Variants in PAN2 observed in about 807,000 individuals in gnomAD.
PAN2 encodes the protein poly(A) specific ribonuclease subunit PAN2.
In PAN2, 68 loss-of-function variants were observed where a neutral mutation model predicts 133.3. That is an observed-to-expected ratio of 0.51 (90% CI 0.42 to 0.62). PAN2 has a LOEUF of 0.62. Among genes scored for constraint, PAN2 ranks in the 20% least tolerant of loss-of-function variants. The pLI is 0.00. For missense variants in PAN2, 1,042 were observed against 1,500.5 expected (o/e 0.69, Z 5.05); for synonymous variants, 462 against 544.6 (o/e 0.85, Z 2.11).
chr12:56,322,387 G>A, intron 19 of PAN2, 36 bp downstream of exon 19: 3 of 1,538,626 alleles, frequency 1.9e-6, no homozygotes, highest in Non-Finnish European at 2.7e-6. Context: ...AGGAAAAGGG[G>A]AAATGAAAGA....
At position 56,318,241 on chromosome 12, in the gene PAN2, G is replaced by A; in HGVS notation, c.3558C>T (p.Pro1186=). 6.2e-7 allele frequency: 1 copy of A among 1,613,310 alleles called. No individual in the cohort carries two copies. The highest frequency in any genetic ancestry group is 1.1e-5 in the South Asian group (1 of 91,056). The change falls in exon 25 of 26, where the codon CCC becomes CCT. Residue 1186 remains proline, a synonymous_variant. Coordinates refer to ENST00000440411, the MANE Select transcript of PAN2 (RefSeq NM_014871.6). ...KVPEPEGQTS[P]KNAAVFSSVL... is the part of the protein sequence containing the mutation. ...TTGTCCCATCCCAGGTCTTACTCTTGGGACTTGTTTGGCCCTCAGGCTCAG... is the reference window on the plus strand; with the variant it reads ...TTGTCCCATCCCAGGTCTTACTCTTAGGACTTGTTTGGCCCTCAGGCTCAG...
Position 56,327,635 on chromosome 12 carries a change from G to GAAA in PAN2, c.652-7_652-5dup. The GAAA allele has an allele frequency of 6.4e-7, 1 of 1,555,628 alleles. No individual in the cohort carries two copies. Among genetic ancestry groups the GAAA allele is most frequent in the African/African-American group, 1.4e-5 (1 of 72,198 alleles). ...TACGGAGGTCTCTCAGGGAAACCTAGAAAAAAAAAATTCAGTTATCTGCAA... is the reference window on the plus strand; with the variant it reads ...TACGGAGGTCTCTCAGGGAAACCTAGAAAAAAAAAAAAATTCAGTTATCTGCAA... On this transcript the variant is annotated splice_region_variant and splice_polypyrimidine_tract_variant and intron_variant, in intron 5 of 25. Transcript: ENST00000440411.
At chr12:56,324,207 T>C (rs887046206) in intron 12 of PAN2, 22 bp from the exon 13 acceptor site, 2 of 1,613,030 alleles carry the variant, frequency 1.2e-6, no homozygotes, top group Non-Finnish European at 1.7e-6. Flanking sequence ...GAGGATGATA[T>C]ATGCACATTG....
chr12:56,330,361 T>TC (rs752207631), intron 2 of PAN2, among the ~76,000 whole-genome samples: 10 of 101,130 alleles, frequency 9.9e-5, no homozygotes, highest in Admixed American at 4.7e-4. Flanking sequence ...TTCTTTTTTT[T>TC]TTTTTTTTTT....
chr12:56,325,397 C>T lies in PAN2; in HGVS notation c.1417G>A (p.Glu473Lys), dbSNP rs780068927. 6 of 1,614,182 alleles carry T rather than the reference C, an allele frequency of 3.7e-6. No individual in the cohort carries two copies. In the Admixed American group the frequency reaches 8.3e-5, roughly 22 times the overall value. Residue 473 changes from glutamate to lysine, a missense_variant, in exon 9 of 26, where the codon GAG (glutamate) becomes AAG (lysine). Coordinates refer to ENST00000440411, the MANE Select transcript of PAN2 (RefSeq NM_014871.6). Reference protein sequence around the residue: ...SEFDSFSQVTESPVGREEEPH... With the variant: ...SEFDSFSQVTKSPVGREEEPH... The stretch of plus-strand genomic sequence containing the variant: ...TCCTCTTCTCGTCCTACTGGTGACT[C>T]AGTGACCTGGCTGAAGCTGTCAAAT...
intron 1 of PAN2, 46 bp from the exon 2 acceptor site, chr12:56,333,254 T>C: frequency 1.5e-6 from 1 of 688,626 alleles, no homozygotes; most frequent in Admixed American, 2.8e-5. Flanking sequence ...GCCCAGGTAC[T>C]GGTACTTAGG....
chr12:56,330,365 T>TC (rs1189691350), intron 2 of PAN2, among the ~76,000 whole-genome samples: 1 of 105,568 alleles, frequency 9.5e-6, no homozygotes, highest in Non-Finnish European at 2.0e-5. Flanking sequence ...TTTTTTTTTT[T>TC]TTTTTTTTTT....
rs1875347409 is a variant in PAN2 at position 56,328,273 on chromosome 12, C to T, written c.538G>A (p.Glu180Lys). 1 of 1,607,930 alleles carries T rather than the reference C, an allele frequency of 6.2e-7. No individual in the cohort carries two copies. The highest frequency in any genetic ancestry group is 1.1e-5 in the South Asian group (1 of 90,228). ...TCCTGGACAGTGTTAAGATCAATCT[C>T]TATTATGTGATTCTGCAGCCCACCA... ...LVGGLQNHII[E>K]IDLNTVQETQ... The change falls in exon 4 of 26, where the codon GAG becomes AAG. Residue 180 changes from glutamate to lysine, a missense_variant. Glu to Lys is a moderately conservative substitution (Grantham distance 56, BLOSUM62 1). Coordinates refer to ENST00000440411, the MANE Select transcript of PAN2 (RefSeq NM_014871.6).
rs776065284 is a variant in PAN2, at chr12:56,319,143, G to T, written c.3309C>A (p.Phe1103Leu). Residue 1103 changes from phenylalanine (F) to leucine (L), a missense_variant, in exon 24 of 26, where the codon TTC becomes TTA. Phe to Leu is a conservative substitution (Grantham distance 22). Around this residue, in one of 3 missense-constraint regions of PAN2, gnomAD observed 85 missense variants for 116.5 expected, o/e 0.73. Coordinates refer to ENST00000440411, the MANE Select transcript of PAN2 (RefSeq NM_014871.6). The surrounding 1 kb of genome is among the most constrained non-coding windows in gnomAD (Gnocchi z 5.4). ...KDQVLDTVYLFHMPRKRMISL... is the reference protein window; with the variant it reads ...KDQVLDTVYLLHMPRKRMISL... ...AAATCATTCGTTTTCGGGGCATATG[G>T]AACAGGTAGACAGTGTCAAGGACTT... 1 of 1,614,138 alleles carries T rather than the reference G, an allele frequency of 6.2e-7. No homozygotes were observed. Among genetic ancestry groups the T allele is most frequent in the South Asian group, 1.1e-5 (1 of 91,076 alleles).
rs576724286 is a variant in PAN2, at chr12:56,327,351, A to T, written c.919+13T>A. On this transcript the variant is annotated intron_variant, in intron 6 of 25. Transcript: ENST00000440411. Reference sequence around the variant, plus strand: ...ATCGATCCCTCCTACCCAATCCCATATGCCCTTCATACCTGACTGAGAGAT... The same window carrying T: ...ATCGATCCCTCCTACCCAATCCCATTTGCCCTTCATACCTGACTGAGAGAT... 6.2e-7 allele frequency: 1 copy of T among 1,613,662 alleles called. No homozygotes were observed. Among genetic ancestry groups the T allele is most frequent in the Non-Finnish European group, 8.5e-7 (1 of 1,179,616 alleles).
At chr12:56,322,981 T>C in intron 17 of PAN2, 81 bp downstream of exon 17, 1 of 1,553,542 alleles carries the variant, frequency 6.4e-7, no homozygotes, top group South Asian at 1.1e-5. Context: ...TCTGCTAAGT[T>C]TCACCTTCCC....
intron 20 of PAN2, among the ~76,000 whole-genome samples, chr12:56,320,501 G>A (rs1195529285): frequency 3.9e-5 from 6 of 151,936 alleles, no homozygotes; most frequent in East Asian, 3.9e-4. Flanking sequence ...AAAATTAGCC[G>A]GGCGTGGTGG....
At chr12:56,320,900 T>A (rs1874431543) in intron 20 of PAN2, among the ~76,000 whole-genome samples, 1 of 149,224 alleles carries the variant, frequency 6.7e-6, no homozygotes. Context: ...CTGTCTCTAC[T>A]AAAAATACAA....
Position 56,318,433 on chromosome 12 carries a change from G to T in PAN2, c.3366C>A (p.Asp1122Glu). The change falls in exon 25 of 26, where the codon GAC becomes GAA. Residue 1122 changes from aspartate (D) to glutamate (E), a missense_variant and splice_region_variant. Physicochemically the swap from Asp to Glu is conservative, Grantham distance 45. Coordinates refer to ENST00000440411, the MANE Select transcript of PAN2 (RefSeq NM_014871.6). ...CATGGGTTTCCCCTTGAATCTTCAG[G>T]TCTGGGGTAAGTAAAGGTGGAATAG... ...SLRFLAWYFL[D>E]LKIQGETHDS... 3 of 1,612,800 alleles carry T rather than the reference G, an allele frequency of 1.9e-6. No homozygotes were observed. The highest frequency in any genetic ancestry group is 1.7e-5 in the Admixed American group (1 of 60,008).
Position 56,320,027 on chromosome 12 carries a change from A to T in PAN2, c.2789-6T>A. ...TGCCTCAATAGGGTTCTTGACTAGAAGGGAGAATGCAGAGGACACAGGGCT... is the reference window on the plus strand; with the variant it reads ...TGCCTCAATAGGGTTCTTGACTAGATGGGAGAATGCAGAGGACACAGGGCT... On this transcript the variant is annotated splice_region_variant and splice_polypyrimidine_tract_variant and intron_variant, in intron 20 of 25. Coordinates refer to ENST00000440411, the MANE Select transcript of PAN2 (RefSeq NM_014871.6). 4 of 1,614,090 alleles carry T rather than the reference A, an allele frequency of 2.5e-6. No homozygotes were observed. Among genetic ancestry groups the T allele is most frequent in the Non-Finnish European group, 3.4e-6 (4 of 1,179,958 alleles).
rs138510771 is a variant in PAN2, at chr12:56,326,668, G to A, written c.1211C>T (p.Thr404Ile). ...PLSLIPVPLT[T>I]DTLLSDWPAA... is the part of the protein sequence containing the mutation. ...AGGCCAATCAGAGAGAAGTGTGTCAGTGGTGAGTGGGACAGGGATGAGGGA... is the reference window on the plus strand; with the variant it reads ...AGGCCAATCAGAGAGAAGTGTGTCAATGGTGAGTGGGACAGGGATGAGGGA... The change falls in exon 7 of 26, where the codon ACT (threonine) becomes ATT (isoleucine). Residue 404 changes from threonine to isoleucine, a missense_variant. By Grantham distance (89) the Thr-to-Ile change is moderately conservative. Coordinates refer to ENST00000440411, the MANE Select transcript of PAN2 (RefSeq NM_014871.6). 9 of 1,613,998 alleles carry A rather than the reference G, an allele frequency of 5.6e-6. No homozygotes were observed. The South Asian group carries it at 7.7e-5, about 14-fold the overall frequency.
At chr12:56,317,789 T>C (rs931774541) in intron 25 of PAN2, 146 bp from the exon 26 acceptor site, 2 of 701,840 alleles carry the variant, frequency 2.8e-6, no homozygotes, top group African/African-American at 3.5e-5. Context: ...AAGTTATAGT[T>C]AATGGAGAGT....
At chr12:56,330,445 C>T (rs1383429251) in intron 2 of PAN2, among the ~76,000 whole-genome samples, 3 of 143,520 alleles carry the variant, frequency 2.1e-5, no homozygotes, top group Non-Finnish European at 3.1e-5. Context: ...CTGCAAGCTC[C>T]GCCTCCCGGG....
intron 2 of PAN2, among the ~76,000 whole-genome samples, chr12:56,329,399 G>A (rs1379561676): frequency 6.6e-6 from 1 of 151,808 alleles, no homozygotes; most frequent in Admixed American, 6.6e-5. Flanking sequence ...GCAATGGCAC[G>A]ATCTCAGCTC....
Sources: gnomAD v4.1 joint callset for allele counts (sites outside exome capture counted in the v4.1 genomes callset) on GRCh38, gnomAD v4.1.1 for gene constraint, gnomAD v4.1.1 regional missense constraint, Gnocchi (gnomAD v3.1) non-coding constraint, MANE v1.5 for transcripts, NCBI Gene and HGNC (gene_info 2026-07-23, HGNC 2026-07-21) for gene names.